The following FKBP9 variants were observed in gnomAD, a reference collection of about 807,000 sequenced individuals.
FKBP9 encodes the protein peptidyl-prolyl cis-trans isomerase FKBP9.
FKBP9 carries 27 observed loss-of-function variants against 55.6 expected under a neutral mutation model. That is an observed-to-expected ratio of 0.49 (90% CI 0.36 to 0.67). FKBP9 has a LOEUF of 0.67. FKBP9 is among the 30% of genes least tolerant of loss of function. FKBP9 has a pLI of 0.00. For synonymous variants in FKBP9, 267 were observed against 296.5 expected, an observed-to-expected ratio of 0.90 and a Z score of 1.02; for missense variants, 539 against 742.8, an observed-to-expected ratio of 0.73 and a Z score of 3.19.
chr7:32,988,428 A>C, intron 5 of FKBP9, 79 bp from the exon 6 acceptor site: 1 of 1,443,016 alleles, frequency 6.9e-7, no homozygotes, highest in African/African-American at 1.4e-5. Context: ...GTGCCTTTGC[A>C]TCTCTTTCCC....
chr7:32,969,948 C>A (rs540028692), intron 1 of FKBP9, among the ~76,000 whole-genome samples: 1 of 151,630 alleles, frequency 6.6e-6, no homozygotes. Context: ...TGCAGTGAGC[C>A]GAGATTGCAC....
chr7:32,997,777 G>A (rs1019275810), intron 7 of FKBP9, among the ~76,000 whole-genome samples: 17 of 152,300 alleles, frequency 1.1e-4, no homozygotes, highest in Non-Finnish European at 2.2e-4. Flanking sequence ...GTAGTGAGCC[G>A]AGATAGCACT....
chr7:32,963,665 C>T, intron 1 of FKBP9: 12 of 1,454,636 alleles, frequency 8.2e-6, no homozygotes, highest in Non-Finnish European at 1.1e-5. Context: ...TTGGAAGGAT[C>T]TCCAATTCCT....
At chr7:32,971,435 CTCTT>C (rs1322141579) in intron 1 of FKBP9, among the ~76,000 whole-genome samples, 8 of 152,100 alleles carry the variant, frequency 5.3e-5, no homozygotes, top group African/African-American at 1.9e-4. Context: ...GAGGCAACAA[CTCTT>C]TCTTTCTTCC....
intron 8 of FKBP9, among the ~76,000 whole-genome samples, chr7:33,001,310 C>T (rs1324384275): frequency 6.6e-6 from 1 of 152,016 alleles, no homozygotes; most frequent in South Asian, 2.1e-4. Flanking sequence ...TTTGGGATGC[C>T]GAGGTGGGCA....
intron 4 of FKBP9, among the ~76,000 whole-genome samples, chr7:32,978,010 C>T (rs1784400067): frequency 6.7e-6 from 1 of 149,900 alleles, no homozygotes; most frequent in South Asian, 2.1e-4. Flanking sequence ...CAACCTCTAT[C>T]TCCTGGATTC....
chr7:32,999,805 C>CTCCAGGAGCCTGT (rs1308187732), intron 7 of FKBP9, among the ~76,000 whole-genome samples: 1 of 152,086 alleles, frequency 6.6e-6, no homozygotes, highest in Non-Finnish European at 1.5e-5. Context: ...TGCAGGGGCA[C>CTCCAGGAGCCTGT]GATCCTGGCT....
rs1784808126 is a variant in FKBP9, at chr7:32,996,818, C to T, written c.1226+469C>T. On this transcript the variant is annotated intron_variant, in intron 7 of 9. Transcript: ENST00000242209. ...TTTTTTTTTTTTTGAGACGGAGTCT[C>T]GCTCTGTCGCCCAGGCCGGACTGCG... Among the ~76,000 whole-genome samples, 3 of 93,350 alleles carry T rather than the reference C, an allele frequency of 3.2e-5. No homozygotes were observed. In the South Asian group the frequency reaches 1.3e-3, roughly 39 times the overall value. 61.2% of individuals were successfully genotyped at this position (93,350 alleles called of 152,430 possible).
chr7:32,970,036 G>GTT (rs537430761), intron 1 of FKBP9, among the ~76,000 whole-genome samples: 6,685 of 146,786 alleles, frequency 0.046, 362 homozygotes, highest in East Asian at 0.19. Context: ...TTTTAGTTTA[G>GTT]TTTTTTTTTT....
At chr7:32,970,777 T>G (rs1456912802) in intron 1 of FKBP9, among the ~76,000 whole-genome samples, 2 of 152,098 alleles carry the variant, frequency 1.3e-5, no homozygotes, top group African/African-American at 4.8e-5. Context: ...TAACAGCTTT[T>G]TTTATGGACT....
chr7:32,996,999 T>C (rs1340323340), intron 7 of FKBP9, among the ~76,000 whole-genome samples: 7 of 151,452 alleles, frequency 4.6e-5, no homozygotes, highest in Admixed American at 4.6e-4. Context: ...TTTCACCTTG[T>C]TAGCCAGGAT....
chr7:32,965,067 G>A (rs1311075811), intron 1 of FKBP9, among the ~76,000 whole-genome samples: 5 of 152,266 alleles, frequency 3.3e-5, no homozygotes, highest in Admixed American at 2.0e-4. Context: ...GGTAGTTCCC[G>A]TGCCCAGTGG....
At chr7:32,974,106 C>T (rs977824949) in intron 1 of FKBP9, among the ~76,000 whole-genome samples, 6 of 151,548 alleles carry the variant, frequency 4.0e-5, no homozygotes, top group African/African-American at 7.3e-5. Context: ...TGGGCTCAAG[C>T]GATCCTCCTA....
Position 32,975,372 on chromosome 7 carries a change from G to T in FKBP9, c.557+1G>T. 1 of 1,613,132 alleles carries T rather than the reference G, an allele frequency of 6.2e-7. No individual in the cohort carries two copies. The highest frequency in any genetic ancestry group is 8.5e-7 in the Non-Finnish European group (1 of 1,179,122). ...TGGACGGAACTCTGTTTGATTCGAGGTAAGTCCTGTCGTTCATGGCAGTAT... is the reference window on the plus strand; with the variant it reads ...TGGACGGAACTCTGTTTGATTCGAGTTAAGTCCTGTCGTTCATGGCAGTAT... On this transcript the variant is annotated splice_donor_variant, in intron 3 of 9. Transcript: ENST00000242209. LOFTEE classifies it high-confidence loss of function.
intron 1 of FKBP9, among the ~76,000 whole-genome samples, chr7:32,967,306 G>A (rs1489842275): frequency 2.0e-5 from 3 of 152,198 alleles, no homozygotes; most frequent in Non-Finnish European, 1.5e-5. Context: ...TATTCACACT[G>A]TTGTGCAATA....
intron 1 of FKBP9, among the ~76,000 whole-genome samples, chr7:32,959,866 T>A (rs1316375876): frequency 6.6e-6 from 1 of 152,230 alleles, no homozygotes; most frequent in Non-Finnish European, 1.5e-5. Flanking sequence ...TTGCTTATAC[T>A]TTTTGGCTAT....
intron 6 of FKBP9, among the ~76,000 whole-genome samples, chr7:32,995,875 T>G (rs1320679172): frequency 1.3e-5 from 2 of 152,192 alleles, no homozygotes; most frequent in Non-Finnish European, 2.9e-5. Context: ...GCTCAACGAT[T>G]CCATGGGGCA....
intron 6 of FKBP9, among the ~76,000 whole-genome samples, chr7:32,995,435 C>A (rs1264625562): frequency 6.6e-6 from 1 of 152,112 alleles, no homozygotes; most frequent in Non-Finnish European, 1.5e-5. Context: ...GGGAAGCTGT[C>A]GTTAAATTCC....
At chr7:32,959,297 C>A (rs891227927) in intron 1 of FKBP9, among the ~76,000 whole-genome samples, 5 of 152,052 alleles carry the variant, frequency 3.3e-5, no homozygotes, top group African/African-American at 1.2e-4. Context: ...CCCAACTACG[C>A]GGGAGGTTGA....
Sources: allele counts gnomAD v4.1 joint callset (sites outside exome capture counted in the v4.1 genomes callset), GRCh38; gene constraint gnomAD v4.1.1; transcripts MANE v1.5; gene names NCBI Gene and HGNC (gene_info 2026-07-23, HGNC 2026-07-21).